The following DST variants were observed in gnomAD, a reference collection of about 807,000 sequenced individuals.
The protein encoded by DST is bullous pemphigoid antigen.
A neutral mutation model predicts 875.2 loss-of-function variants in DST; 253 were observed. The observed-to-expected ratio is 0.29, with a 90% CI of 0.26 to 0.32. The LOEUF is 0.32. DST is among the 10% of genes least tolerant of loss of function. The probability of loss-of-function intolerance (pLI) is 1.00; values close to 1 mark genes in which losing one functional copy is unlikely to be tolerated. For missense variants in DST, 8,287 were observed against 9,111.6 expected, an observed-to-expected ratio of 0.91 and a Z score of 3.68; for synonymous variants, 3,124 against 3,197.1, an observed-to-expected ratio of 0.98 and a Z score of 0.77.
At chr6:56,752,604 T>A (rs1042065183) in intron 4 of DST, among the ~76,000 whole-genome samples, 1 of 152,164 alleles carries the variant, frequency 6.6e-6, no homozygotes, top group African/African-American at 2.4e-5. Context: ...CTTCTTTCAC[T>A]CAGCATAATA....
At chr6:56,476,391 G>A (rs2095189680) in intron 91 of DST, 54 bp from the exon 92 acceptor site, 2 of 1,383,178 alleles carry the variant, frequency 1.4e-6, no homozygotes, top group African/African-American at 1.5e-5. Flanking sequence ...TAAAATAATT[G>A]CAGTGATGTA....
rs145789212 is a variant in DST at position 56,655,101 on chromosome 6, C to T, written c.1215-3857G>A. On this transcript the variant is annotated intron_variant, in intron 10 of 103. Coordinates refer to ENST00000680361, the MANE Select transcript of DST (RefSeq NM_001374736.1). ...ACTGGAACCCAGGAGGCGGAGGTTG[C>T]AGTGAGCCGAGATCGCGCCATTGCA... is the stretch of plus-strand genomic sequence containing the variant. 1.3e-4 allele frequency among the ~76,000 whole-genome samples: 19 copies of T among 144,034 alleles called. No individual in the cohort carries two copies. The East Asian group carries it at 3.8e-3, about 29-fold the overall frequency. The allele number at this position is 144,034 out of a possible 152,430, so 94.5% of individuals were successfully genotyped here. A position where few individuals can be genotyped will look rare whatever the true frequency, so the allele number is the denominator to read the frequency against.
chr6:56,894,606 C>T (rs1789926820), intron 3 of DST, among the ~76,000 whole-genome samples: 1 of 39,998 alleles, frequency 2.5e-5, no homozygotes, highest in Admixed American at 1.7e-4. Context: ...TAGGGGCGGC[C>T]GGGCAGAGGC....
intron 4 of DST, among the ~76,000 whole-genome samples, chr6:56,768,962 A>G (rs1219730552): frequency 6.6e-6 from 1 of 152,204 alleles, no homozygotes; most frequent in Non-Finnish European, 1.5e-5. Context: ...GGTTGCAGTG[A>G]GCCAAGATCA....
At chr6:56,776,317 G>A (rs766921613) in intron 4 of DST, among the ~76,000 whole-genome samples, 1 of 152,158 alleles carries the variant, frequency 6.6e-6, no homozygotes, top group Non-Finnish European at 1.5e-5. Context: ...ACAGAGACAT[G>A]ACAATGAAAT....
Position 56,687,424 on chromosome 6 carries a change from G to T in DST, c.1047+12229C>A, listed in dbSNP as rs534400312. On this transcript the variant is annotated intron_variant, in intron 9 of 103. Coordinates refer to ENST00000680361, the MANE Select transcript of DST (RefSeq NM_001374736.1). Reference sequence around the variant, plus strand: ...TGGCAGCAACTGGAATTCAGTTCCTGTTCCCACTATTTTCTAGCCCTGTGA... The same window carrying T: ...TGGCAGCAACTGGAATTCAGTTCCTTTTCCCACTATTTTCTAGCCCTGTGA... 2.9e-4 allele frequency among the ~76,000 whole-genome samples: 44 copies of T among 152,176 alleles called. No individual in the cohort carries two copies. The South Asian group carries it at 8.9e-3, about 31-fold the overall frequency.
chr6:56,868,751 G>A (rs987408178), intron 3 of DST, among the ~76,000 whole-genome samples: 7 of 152,018 alleles, frequency 4.6e-5, no homozygotes, highest in African/African-American at 1.7e-4. Context: ...TTCTCTATTG[G>A]AGTTTTAGGT....
intron 10 of DST, among the ~76,000 whole-genome samples, chr6:56,662,385 C>T (rs1448810387): frequency 6.6e-6 from 1 of 152,120 alleles, no homozygotes; most frequent in Admixed American, 6.5e-5. Flanking sequence ...ACATAATATC[C>T]ATCAATAAGG....
intron 49 of DST, among the ~76,000 whole-genome samples, chr6:56,582,601 C>CTT (rs112850619): frequency 1.4e-4 from 21 of 145,096 alleles, no homozygotes; most frequent in African/African-American, 5.3e-4. Context: ...TATTTCTTTT[C>CTT]TTTTTTTTTT....
chr6:56,618,286 T>C (rs1282026810), intron 36 of DST: 1 of 1,614,134 alleles, frequency 6.2e-7, no homozygotes, highest in African/African-American at 1.3e-5. Context: ...GCTGTGGTTC[T>C]TGAGTCCATC....
rs2152746769 is a variant in DST, at chr6:56,624,605, A to G, written c.4854T>C (p.Tyr1618=). The G allele has an allele frequency of 6.2e-7, 1 of 1,613,082 alleles. No homozygotes were observed. Among genetic ancestry groups the G allele is most frequent in the Non-Finnish European group, 8.5e-7 (1 of 1,179,316 alleles). ...GTGTCATGAGAGTGACCAGGGCAGT[A>G]TATCGAGTCCTTAGGTCCATGAACT... ...IQEFMDLRTR[Y]TALVTLMTQY... Residue 1618 remains tyrosine (Y), a synonymous_variant, in exon 36 of 104, where the codon TAT becomes TAC. Coordinates refer to ENST00000680361, the MANE Select transcript of DST (RefSeq NM_001374736.1).
intron 3 of DST, among the ~76,000 whole-genome samples, chr6:56,860,905 A>G (rs1299548933): frequency 6.6e-6 from 1 of 152,116 alleles, no homozygotes; most frequent in South Asian, 2.1e-4. Flanking sequence ...TTTCCAATAC[A>G]TATCTTTCTG....
At chr6:56,784,148 C>T (rs1416046638) in intron 4 of DST, among the ~76,000 whole-genome samples, 1 of 152,110 alleles carries the variant, frequency 6.6e-6, no homozygotes, top group African/African-American at 2.4e-5. Flanking sequence ...CTCTCTGGTT[C>T]TCCTTAACAT....
intron 93 of DST, among the ~76,000 whole-genome samples, chr6:56,472,809 T>G (rs1267897511): frequency 2.6e-5 from 4 of 152,174 alleles, no homozygotes; most frequent in Admixed American, 2.6e-4. Flanking sequence ...CAAACCCAAG[T>G]TTACTGCCTT....
chr6:56,588,720 C>G (rs1178274026), intron 49 of DST, among the ~76,000 whole-genome samples: 2 of 152,200 alleles, frequency 1.3e-5, no homozygotes, highest in African/African-American at 4.8e-5. Context: ...ATGCCTAAAG[C>G]TAATGGCAAA....
intron 21 of DST, 38 bp from the exon 22 acceptor site, chr6:56,639,401 AT>A (rs1563378161): frequency 1.2e-6 from 2 of 1,613,126 alleles, no homozygotes; most frequent in African/African-American, 2.7e-5. Flanking sequence ...AGAAAAATAT[AT>A]AAACCTAAAA....
In DST at chr6:56,552,679, A is replaced by T; in HGVS notation, c.16113T>A (p.Asp5371Glu). Residue 5371 changes from aspartate (D) to glutamate (E), a missense_variant, in exon 61 of 104, where the codon GAT becomes GAA. Transcript: ENST00000680361. Reference protein sequence around the residue: ...QEHSTLSQQVDEKCSFLETKL... With the variant: ...QEHSTLSQQVEEKCSFLETKL... ...TGGTTTCTAAGAAAGAACACTTTTC[A>T]TCAACCTGCTGACTTAGTGTACTAT... The T allele has an allele frequency of 6.2e-7, 1 of 1,613,822 alleles. No homozygotes were observed.
rs901198890 is a variant in DST at position 56,764,220 on chromosome 6, T to A, written c.626-28931A>T. Among the ~76,000 whole-genome samples, 145 of 152,086 alleles carry A rather than the reference T, an allele frequency of 9.5e-4. 8 individuals carry two copies. The highest frequency in any genetic ancestry group is 2.9e-5 in the Non-Finnish European group (2 of 68,018). ...TCTGTGAACCTCTCTTCCCAGTTTT[T>A]CTATGCTCCCCAGTGGCTGAACTGA... On this transcript the variant is annotated intron_variant, in intron 4 of 103. Transcript: ENST00000680361.
chr6:56,870,601 A>G (rs956918875), intron 3 of DST, among the ~76,000 whole-genome samples: 10 of 152,110 alleles, frequency 6.6e-5, no homozygotes, highest in African/African-American at 2.4e-4. Flanking sequence ...TGTCTCTACT[A>G]AAAATACAAA....
Sources: gnomAD v4.1 joint callset for allele counts (sites outside exome capture counted in the v4.1 genomes callset) on GRCh38, gnomAD v4.1.1 for gene constraint, MANE v1.5 for transcripts, NCBI Gene and HGNC (gene_info 2026-07-23, HGNC 2026-07-21) for gene names.